GPM6A: variants seen among roughly 807,000 people sequenced by gnomAD.
GPM6A encodes the protein neuronal membrane glycoprotein M6-a.
Under a neutral mutation model 32.1 loss-of-function variants are expected in GPM6A, and 7 were observed. The observed-to-expected ratio is 0.22, with a 90% CI of 0.12 to 0.41. The LOEUF (loss-of-function observed/expected upper bound fraction) is 0.41, where lower values mean the gene tolerates loss of function less well. Ranked by LOEUF, GPM6A falls within the 10% of genes least tolerant of loss-of-function variation. The pLI is 1.00. For missense variants in GPM6A, 235 were observed against 347.2 expected, an observed-to-expected ratio of 0.68 and a Z score of 2.57; for synonymous variants, 130 against 123.4, an observed-to-expected ratio of 1.05 and a Z score of -0.35.
At chr4:175,984,659 T>C (rs929332632) in intron 1 of GPM6A, among the ~76,000 whole-genome samples, 1 of 152,234 alleles carries the variant, frequency 6.6e-6, no homozygotes, top group Non-Finnish European at 1.5e-5. Flanking sequence ...TTCCTCTATA[T>C]TTTTAAAATC....
intron 2 of GPM6A, among the ~76,000 whole-genome samples, chr4:175,696,926 T>G (rs1744613899): frequency 6.6e-6 from 1 of 152,110 alleles, no homozygotes; most frequent in South Asian, 2.1e-4. Flanking sequence ...ATATATCTAT[T>G]TTGTCTGAGC....
At chr4:175,955,756 G>T (rs1429236413) in intron 1 of GPM6A, among the ~76,000 whole-genome samples, 1 of 152,118 alleles carries the variant, frequency 6.6e-6, no homozygotes, top group African/African-American at 2.4e-5. Context: ...GATGGAGCTT[G>T]CTTCAATCAC....
intron 1 of GPM6A, among the ~76,000 whole-genome samples, chr4:175,775,359 C>T (rs1733352978): frequency 6.6e-6 from 1 of 152,060 alleles, no homozygotes; most frequent in African/African-American, 2.4e-5. Flanking sequence ...AGTGTTTTCT[C>T]TGTTTTGAAG....
intron 1 of GPM6A, among the ~76,000 whole-genome samples, chr4:175,856,463 C>T (rs1043098811): frequency 6.6e-6 from 1 of 152,188 alleles, no homozygotes; most frequent in African/African-American, 2.4e-5. Context: ...CTAGGGGTTG[C>T]CCACGACCTC....
At chr4:175,942,717 G>A (rs909513657) in intron 1 of GPM6A, among the ~76,000 whole-genome samples, 2 of 152,056 alleles carry the variant, frequency 1.3e-5, no homozygotes, top group African/African-American at 4.8e-5. Context: ...TGAGGGCTCT[G>A]TTCTGTTCCG....
chr4:175,880,429 CA>C (rs1243500040), intron 1 of GPM6A, among the ~76,000 whole-genome samples: 1 of 152,132 alleles, frequency 6.6e-6, no homozygotes, highest in African/African-American at 2.4e-5. Flanking sequence ...TGAAGAAAGT[CA>C]TTGTTAGCTT....
chr4:175,831,802 T>G (rs1263084452), intron 1 of GPM6A, among the ~76,000 whole-genome samples: 1 of 130,546 alleles, frequency 7.7e-6, no homozygotes, highest in African/African-American at 2.8e-5. Flanking sequence ...CTCTGCAAGC[T>G]CCTCCTCCTG....
chr4:175,927,058 T>A (rs1738864164), intron 1 of GPM6A, among the ~76,000 whole-genome samples: 1 of 152,256 alleles, frequency 6.6e-6, no homozygotes, highest in South Asian at 2.1e-4. Flanking sequence ...TTTTTAATAA[T>A]CCACATAAAT....
At chr4:175,937,944 G>A (rs1356226883) in intron 1 of GPM6A, among the ~76,000 whole-genome samples, 1 of 152,006 alleles carries the variant, frequency 6.6e-6, no homozygotes, top group Non-Finnish European at 1.5e-5. Context: ...CTAGTGAGGT[G>A]ACTTTCTACC....
chr4:175,874,719 T>C (rs910947887), intron 1 of GPM6A, among the ~76,000 whole-genome samples: 7 of 151,936 alleles, frequency 4.6e-5, no homozygotes, highest in African/African-American at 1.5e-4. Context: ...GTATGAGATA[T>C]AGAATTTCCA....
At chr4:175,956,550 A>G (rs1739992734) in intron 1 of GPM6A, among the ~76,000 whole-genome samples, 1 of 152,192 alleles carries the variant, frequency 6.6e-6, no homozygotes, top group African/African-American at 2.4e-5. Context: ...CAAATTCCAA[A>G]TGATTTCTCA....
At chr4:175,755,594 C>A (rs1294643295) in intron 1 of GPM6A, among the ~76,000 whole-genome samples, 1 of 152,098 alleles carries the variant, frequency 6.6e-6, no homozygotes, top group Admixed American at 6.6e-5. Context: ...AAACTTCAAT[C>A]TAGTGGTAAA....
Position 175,701,685 on chromosome 4 carries a change from A to T in GPM6A, c.120T>A (p.Val40=). 1 of 1,614,006 alleles carries T rather than the reference A, an allele frequency of 6.2e-7. No individual in the cohort carries two copies. The highest frequency in any genetic ancestry group is 1.1e-5 in the South Asian group (1 of 91,082). Residue 40 remains valine, a synonymous_variant, in exon 2 of 7, where the codon GTT becomes GTA. Coordinates refer to ENST00000393658, the MANE Select transcript of GPM6A (RefSeq NM_201591.3). ...CATGACCGCAGCCACAGAACAGGGC[A>T]ACACCCGCATAGAGCAGGATGGTGG... is the stretch of plus-strand genomic sequence containing the variant. ...LIATILLYAG[V]ALFCGCGHEA...
Position 175,634,819 on chromosome 4 carries a change from G to T in GPM6A, c.*86C>A. On this transcript the variant is annotated 3_prime_UTR_variant, in exon 7 of 7. Transcript: ENST00000393658. The stretch of plus-strand genomic sequence containing the variant: ...CATATCATTGATGAGAAGCACTTTC[G>T]TTTTGTTTTTTAAAGGTTGGATGGT... The T allele has an allele frequency of 1.8e-6, 2 of 1,086,816 alleles. No individual in the cohort carries two copies. The highest frequency in any genetic ancestry group is 2.7e-6 in the Non-Finnish European group (2 of 729,206). The allele number at this position is 1,086,816 out of a possible 1,614,324, so 67.3% of individuals were successfully genotyped here. A position where few individuals can be genotyped will look rare whatever the true frequency, so the allele number is the denominator to read the frequency against.
At chr4:175,742,707 A>G (rs1731936744) in intron 1 of GPM6A, among the ~76,000 whole-genome samples, 2 of 152,184 alleles carry the variant, frequency 1.3e-5, no homozygotes, top group South Asian at 4.1e-4. Flanking sequence ...TATATACTAG[A>G]ACATACACAA....
At chr4:175,680,438 G>A (rs1472801588) in intron 2 of GPM6A, among the ~76,000 whole-genome samples, 1 of 152,100 alleles carries the variant, frequency 6.6e-6, no homozygotes, top group Non-Finnish European at 1.5e-5. Context: ...AAGAGTTCTT[G>A]TGGTTTGCAA....
intron 1 of GPM6A, among the ~76,000 whole-genome samples, chr4:175,826,328 C>T (rs1395655007): frequency 2.0e-4 from 26 of 130,356 alleles, no homozygotes; most frequent in Admixed American, 8.0e-5. Context: ...TGCTCAGTGG[C>T]GTACACGTGT....
intron 1 of GPM6A, among the ~76,000 whole-genome samples, chr4:175,959,724 C>T (rs1222349752): frequency 6.6e-6 from 1 of 152,096 alleles, no homozygotes; most frequent in Non-Finnish European, 1.5e-5. Flanking sequence ...CACATGCAAA[C>T]ATATTGATAT....
chr4:175,728,479 T>C (rs1337725942), intron 1 of GPM6A, among the ~76,000 whole-genome samples: 1 of 152,210 alleles, frequency 6.6e-6, no homozygotes, highest in African/African-American at 2.4e-5. Context: ...ATATTTACTT[T>C]CCCATCATGC....
Sources: gnomAD v4.1 joint callset for allele counts (sites outside exome capture counted in the v4.1 genomes callset) on GRCh38, gnomAD v4.1.1 for gene constraint, MANE v1.5 for transcripts, NCBI Gene and HGNC (gene_info 2026-07-23, HGNC 2026-07-21) for gene names.